The following BRINP1 variants were observed in gnomAD, a reference collection of about 807,000 sequenced individuals.
BRINP1 encodes the protein BMP/retinoic acid-inducible neural-specific protein 1.
A neutral mutation model predicts 72.9 loss-of-function variants in BRINP1; 17 were observed. The observed-to-expected ratio is 0.23, with a 90% CI of 0.16 to 0.35. The LOEUF is 0.35. Ranked by LOEUF, BRINP1 falls within the 10% of genes least tolerant of loss-of-function variation. The pLI is 1.00. For synonymous variants in BRINP1, 418 were observed against 378.5 expected (o/e 1.10, Z -1.21); for missense variants, 850 against 1,001.6 (o/e 0.85, Z 2.04).
chr9:119,287,878 A>G (rs1830779376), intron 2 of BRINP1, among the ~76,000 whole-genome samples: 1 of 152,222 alleles, frequency 6.6e-6, no homozygotes, highest in African/African-American at 2.4e-5. Context: ...AGAAAAAAGT[A>G]TCTAACGGGT....
intron 1 of BRINP1, among the ~76,000 whole-genome samples, chr9:119,353,610 G>C (rs964894483): frequency 5.3e-5 from 8 of 152,112 alleles, no homozygotes; most frequent in Middle Eastern, 3.4e-3. Flanking sequence ...TGCTTAGAGA[G>C]GAGGCCCACA....
At chr9:119,196,626 C>T (rs767099299) in intron 7 of BRINP1, among the ~76,000 whole-genome samples, 2 of 152,048 alleles carry the variant, frequency 1.3e-5, no homozygotes, top group Non-Finnish European at 2.9e-5. Flanking sequence ...ATTTATTGAC[C>T]ACTTACTACA....
intron 4 of BRINP1, among the ~76,000 whole-genome samples, chr9:119,239,063 G>T (rs1830220581): frequency 6.6e-6 from 1 of 152,170 alleles, no homozygotes; most frequent in Non-Finnish European, 1.5e-5. Context: ...AAAAGCATTG[G>T]CTTTGGAATC....
chr9:119,312,639 G>A (rs1294951664), intron 2 of BRINP1, among the ~76,000 whole-genome samples: 1 of 152,184 alleles, frequency 6.6e-6, no homozygotes, highest in Non-Finnish European at 1.5e-5. Flanking sequence ...ATGTTTGAAT[G>A]TATTTGGGTA....
chr9:119,237,080 A>G (rs1264728924), intron 5 of BRINP1, among the ~76,000 whole-genome samples: 1 of 152,186 alleles, frequency 6.6e-6, no homozygotes, highest in African/African-American at 2.4e-5. Flanking sequence ...TAAAAGTCAC[A>G]TTAGTCTCCT....
intron 6 of BRINP1, among the ~76,000 whole-genome samples, chr9:119,210,826 A>G (rs1450439361): frequency 6.6e-6 from 1 of 152,222 alleles, no homozygotes; most frequent in Non-Finnish European, 1.5e-5. Flanking sequence ...AACAGGAATA[A>G]TAGTATCTAA....
At chr9:119,306,133 C>T (rs971561490) in intron 2 of BRINP1, among the ~76,000 whole-genome samples, 1 of 152,176 alleles carries the variant, frequency 6.6e-6, no homozygotes, top group African/African-American at 2.4e-5. Context: ...CTGCTCGTGA[C>T]AAAAGCTGGA....
chr9:119,319,425 A>G (rs1283266113), intron 1 of BRINP1, among the ~76,000 whole-genome samples: 1 of 152,204 alleles, frequency 6.6e-6, no homozygotes, highest in Non-Finnish European at 1.5e-5. Flanking sequence ...AAGTTTCTAT[A>G]GAGTCCTTGA....
At chr9:119,267,089 ATTTTC>A (rs1180551333) in intron 2 of BRINP1, among the ~76,000 whole-genome samples, 1 of 152,178 alleles carries the variant, frequency 6.6e-6, no homozygotes, top group Non-Finnish European at 1.5e-5. Flanking sequence ...CCAGGAATGC[ATTTTC>A]TTTTCTTTTA....
At chr9:119,202,037 C>G (rs188376264) in intron 7 of BRINP1, among the ~76,000 whole-genome samples, 16 of 152,200 alleles carry the variant, frequency 1.1e-4, no homozygotes, top group Non-Finnish European at 1.8e-4. Context: ...TGGCAGGTCA[C>G]TTAAACACCT....
intron 3 of BRINP1, among the ~76,000 whole-genome samples, chr9:119,243,702 C>G (rs1348029044): frequency 3.3e-5 from 5 of 152,154 alleles, no homozygotes; most frequent in Admixed American, 1.3e-4. Context: ...ATTGATTTGT[C>G]CTTTTTTTCT....
intron 5 of BRINP1, among the ~76,000 whole-genome samples, chr9:119,217,330 GACACACAC>G (rs60503500): frequency 4.1e-5 from 6 of 145,954 alleles, no homozygotes; most frequent in African/African-American, 1.6e-4. Context: ...CAGACACACA[GACACACAC>G]ACACACACAC....
chr9:119,265,781 A>G (rs541517523), intron 2 of BRINP1, among the ~76,000 whole-genome samples: 1 of 152,260 alleles, frequency 6.6e-6, no homozygotes, highest in South Asian at 2.1e-4. Context: ...TTGTTCATAT[A>G]GGCAAATTGT....
intron 2 of BRINP1, among the ~76,000 whole-genome samples, chr9:119,286,913 A>C (rs1830767029): frequency 1.3e-5 from 2 of 152,152 alleles, no homozygotes; most frequent in African/African-American, 4.8e-5. Context: ...ATAGACTTTA[A>C]ATGTTTTTCT....
intron 7 of BRINP1, among the ~76,000 whole-genome samples, chr9:119,193,691 A>G (rs540259277): frequency 3.3e-5 from 5 of 152,324 alleles, no homozygotes; most frequent in African/African-American, 1.2e-4. Flanking sequence ...TTTGTTTTCA[A>G]AAAATAAAGT....
intron 2 of BRINP1, among the ~76,000 whole-genome samples, 165 bp from the exon 3 acceptor site, chr9:119,249,315 C>G (rs1328979855): frequency 1.3e-5 from 2 of 152,070 alleles, no homozygotes; most frequent in African/African-American, 4.8e-5. Flanking sequence ...CATCTGCAAC[C>G]AACAAATATT....
At position 119,369,423 on chromosome 9, in the gene BRINP1, G is replaced by A. The variant is rs141046258; in HGVS notation, c.-418C>T. 2.9e-3 allele frequency: 1,154 copies of A among 395,758 alleles called. 4 individuals carry two copies. The highest frequency in any genetic ancestry group is 4.1e-3 in the Non-Finnish European group (910 of 224,636). 24.5% of individuals were successfully genotyped at this position (395,758 alleles called of 1,614,324 possible). A position where few individuals can be genotyped will look rare whatever the true frequency, so the allele number is the denominator to read the frequency against. ...TGCAGCCGTGGGGTCCGGGAGCGAG[G>A]CGGCTGGCGAATGGAGAGGGAAGTC... On this transcript the variant is annotated 5_prime_UTR_variant, in exon 1 of 8. Transcript: ENST00000265922.
intron 5 of BRINP1, among the ~76,000 whole-genome samples, chr9:119,218,849 GAC>G (rs1361471853): frequency 6.6e-6 from 1 of 151,468 alleles, no homozygotes; most frequent in East Asian, 1.9e-4. Flanking sequence ...GGCTGCCATG[GAC>G]TGCATGTTTG....
chr9:119,329,167 T>C (rs919025970), intron 1 of BRINP1, among the ~76,000 whole-genome samples: 1 of 152,190 alleles, frequency 6.6e-6, no homozygotes, highest in South Asian at 2.1e-4. Context: ...CTGGGGTTAA[T>C]TATTCTTAAT....
Sources: allele counts gnomAD v4.1 joint callset (sites outside exome capture counted in the v4.1 genomes callset), GRCh38; gene constraint gnomAD v4.1.1; transcripts MANE v1.5; gene names NCBI Gene and HGNC (gene_info 2026-07-23, HGNC 2026-07-21).